Variants in ABHD2 observed in about 807,000 individuals in gnomAD.
ABHD2 encodes the protein abhydrolase domain containing 2, acylglycerol lipase, also known as monoacylglycerol lipase ABHD2.
In ABHD2, 20 loss-of-function variants were observed where a neutral mutation model predicts 48.1. That is an observed-to-expected ratio of 0.42 (90% CI 0.29 to 0.60). The LOEUF (loss-of-function observed/expected upper bound fraction) is 0.60. Among genes scored for constraint, ABHD2 ranks in the 20% least tolerant of loss-of-function variants. The pLI is 0.24. For missense variants in ABHD2, 405 were observed against 550.9 expected (o/e 0.74, Z 2.65); for synonymous variants, 209 against 214.2 (o/e 0.98, Z 0.21).
At chr15:89,082,167 G>A in the ABHD2 span, among the ~76,000 whole-genome samples, 1 of 152,168 alleles carries the variant, frequency 6.6e-6, no homozygotes, top group Non-Finnish European at 1.5e-5. The surrounding 1 kb of genome is among the most constrained non-coding windows in gnomAD (Gnocchi z 4.4). Context: ...AGAACCACTG[G>A]TTTAGGATGG....
At position 89,185,214 on chromosome 15, in the gene ABHD2, C is replaced by G. The variant is rs1053877966; in HGVS notation, c.723-210C>G. 6.6e-6 allele frequency among the ~76,000 whole-genome samples: 1 copy of G among 152,180 alleles called. No homozygotes were observed. Among genetic ancestry groups the G allele is most frequent in the African/African-American group, 2.4e-5 (1 of 41,442 alleles). On this transcript the variant is annotated intron_variant, in intron 6 of 10. Transcript: ENST00000352732. The surrounding 1 kb of genome is among the most constrained non-coding windows in gnomAD (Gnocchi z 5.9). ...CGCTAGAGAGGGCCTTTGCCGGGGTCCCCTTCCCCTGCGCTGTCTTGGTGT... is the reference window on the plus strand; with the variant it reads ...CGCTAGAGAGGGCCTTTGCCGGGGTGCCCTTCCCCTGCGCTGTCTTGGTGT...
chr15:89,110,063 A>G (rs2049848630), intron 1 of ABHD2, among the ~76,000 whole-genome samples: 1 of 152,004 alleles, frequency 6.6e-6, no homozygotes. Flanking sequence ...TTTTCTTTTT[A>G]TACTATCTTT....
chr15:89,086,825 CAG>C (rs1432885949), upstream of ABHD2, among the ~76,000 whole-genome samples: 1 of 152,218 alleles, frequency 6.6e-6, no homozygotes, highest in African/African-American at 2.4e-5. Context: ...TGTTTTAACT[CAG>C]AGTCAGGACG....
the ABHD2 span, among the ~76,000 whole-genome samples, chr15:89,069,122 CTTTTT>C: frequency 4.7e-4 from 59 of 124,906 alleles, 1 homozygote; most frequent in Admixed American, 1.4e-3. Context: ...CTTTTCTTTT[CTTTTT>C]TTTTTTTTTT....
intron 3 of ABHD2, among the ~76,000 whole-genome samples, chr15:89,145,233 G>C (rs2050471592): frequency 1.3e-5 from 2 of 152,208 alleles, no homozygotes; most frequent in African/African-American, 4.8e-5. Flanking sequence ...TCCAGCCTGG[G>C]CTACAGAGTG....
chr15:89,138,357 C>T (rs1271171328), intron 3 of ABHD2, among the ~76,000 whole-genome samples: 1 of 152,190 alleles, frequency 6.6e-6, no homozygotes, highest in Non-Finnish European at 1.5e-5. Context: ...TATTCTCACC[C>T]ATGAAAGTAG....
chr15:89,058,262 C>CA, the ABHD2 span, among the ~76,000 whole-genome samples: 2 of 152,140 alleles, frequency 1.3e-5, no homozygotes, highest in Non-Finnish European at 2.9e-5. Flanking sequence ...AGGAGCCTCA[C>CA]ATACGTGTGG....
At chr15:89,119,697 G>C (rs1047193835) in intron 3 of ABHD2, among the ~76,000 whole-genome samples, 4 of 152,180 alleles carry the variant, frequency 2.6e-5, no homozygotes, top group Admixed American at 1.3e-4. Flanking sequence ...AACTGAGGCA[G>C]AGGCCAGCCC....
chr15:89,053,077 C>T, the ABHD2 span, among the ~76,000 whole-genome samples: 1 of 151,678 alleles, frequency 6.6e-6, no homozygotes, highest in Non-Finnish European at 1.5e-5. Flanking sequence ...AAGCGATTCT[C>T]CTGCCTCCAC....
At chr15:89,180,382 G>A (rs900625549) in intron 6 of ABHD2, among the ~76,000 whole-genome samples, 3 of 152,170 alleles carry the variant, frequency 2.0e-5, no homozygotes, top group East Asian at 1.9e-4. Flanking sequence ...AAGGGGCTTG[G>A]TAGGTGGCCA....
At chr15:89,062,713 T>A in the ABHD2 span, among the ~76,000 whole-genome samples, 1 of 151,998 alleles carries the variant, frequency 6.6e-6, no homozygotes, top group Non-Finnish European at 1.5e-5. Context: ...AAAATACATT[T>A]AGGAAGGCCA....
At chr15:89,143,116 A>G (rs1441775088) in intron 3 of ABHD2, among the ~76,000 whole-genome samples, 1 of 152,152 alleles carries the variant, frequency 6.6e-6, no homozygotes, top group Non-Finnish European at 1.5e-5. Context: ...GTCATATATT[A>G]TGACCATAGC....
In ABHD2 at chr15:89,186,827, C is replaced by T. The variant is rs546339436; in HGVS notation, c.815+1311C>T. Among the ~76,000 whole-genome samples the T allele has an allele frequency of 6.6e-6, 1 of 152,320 alleles. No homozygotes were observed. The highest frequency in any genetic ancestry group is 2.1e-4 in the South Asian group (1 of 4,830). On this transcript the variant is annotated intron_variant, in intron 7 of 10. Coordinates refer to ENST00000352732, the MANE Select transcript of ABHD2 (RefSeq NM_152924.5). The surrounding 1 kb of genome is among the most constrained non-coding windows in gnomAD (Gnocchi z 4.3). ...CCAGTGGCTAAAGCAGACCACACAC[C>T]CCAGATTGGGCTTCCTACGGGTGGG... is the stretch of plus-strand genomic sequence containing the variant.
the ABHD2 span, among the ~76,000 whole-genome samples, chr15:89,053,070 C>G: frequency 5.0e-4 from 76 of 151,168 alleles, no homozygotes; most frequent in Admixed American, 2.6e-3. Flanking sequence ...CGGGTTCAAG[C>G]GATTCTCCTG....
rs1179750628 is a variant in ABHD2 at position 89,166,954 on chromosome 15, T to C, written c.539-8858T>C. Among the ~76,000 whole-genome samples, 2 of 152,160 alleles carry C rather than the reference T, an allele frequency of 1.3e-5. No individual in the cohort carries two copies. The highest frequency in any genetic ancestry group is 2.9e-5 in the Non-Finnish European group (2 of 68,030). On this transcript the variant is annotated intron_variant, in intron 5 of 10. Transcript: ENST00000352732. This position sits in a 1 kb window ranked among gnomAD's most constrained non-coding sequence, Gnocchi z 4.6. ...ATTACACATTCCAATTGAGACACTT[T>C]TGAGAGTAAAAAGGGACTTTATTAA...
intron 3 of ABHD2, among the ~76,000 whole-genome samples, chr15:89,121,147 T>C (rs1175240870): frequency 1.3e-5 from 2 of 152,236 alleles, no homozygotes; most frequent in African/African-American, 2.4e-5. Context: ...TGAACTAGGA[T>C]GCAAACCTAG....
chr15:89,201,610 T>C lies in ABHD2; in HGVS notation c.*6187T>C. The C allele has an allele frequency of 6.3e-7, 1 of 1,594,498 alleles. No individual in the cohort carries two copies. Among genetic ancestry groups the C allele is most frequent in the Non-Finnish European group, 8.6e-7 (1 of 1,162,148 alleles). Reference sequence around the variant, plus strand: ...GTTGACCCTGGGTCAATAATTCCACTGTTGGGCCTCACACAGTACCGGTGA... The same window carrying C: ...GTTGACCCTGGGTCAATAATTCCACCGTTGGGCCTCACACAGTACCGGTGA... On this transcript the variant is annotated 3_prime_UTR_variant, in exon 11 of 11. Transcript: ENST00000352732.
At chr15:89,149,214 AACACACAC>A (rs35689320) in intron 3 of ABHD2, among the ~76,000 whole-genome samples, 57 of 148,332 alleles carry the variant, frequency 3.8e-4, no homozygotes, top group African/African-American at 1.3e-3. Flanking sequence ...ATTGATCCCT[AACACACAC>A]ACACACACAC....
At chr15:89,119,505 ACGTTATG>A (rs1350680791) in intron 3 of ABHD2, among the ~76,000 whole-genome samples, 1 of 152,108 alleles carries the variant, frequency 6.6e-6, no homozygotes, top group African/African-American at 2.4e-5. Flanking sequence ...CCTTTCATAG[ACGTTATG>A]CCATTCAGTC....
Sources: allele counts gnomAD v4.1 joint callset (sites outside exome capture counted in the v4.1 genomes callset), GRCh38; gene constraint gnomAD v4.1.1; non-coding constraint Gnocchi (gnomAD v3.1); transcripts MANE v1.5; gene names NCBI Gene and HGNC (gene_info 2026-07-23, HGNC 2026-07-21).